TIMM44: variants seen among roughly 807,000 people sequenced by gnomAD.
The protein encoded by TIMM44 is translocase of inner mitochondrial membrane 44.
A neutral mutation model predicts 63.8 loss-of-function variants in TIMM44; 37 were observed. That is an observed-to-expected ratio of 0.58 (90% CI 0.45 to 0.76). The LOEUF (loss-of-function observed/expected upper bound fraction) is 0.76, where lower values mean the gene tolerates loss of function less well. Among genes scored for constraint, TIMM44 ranks in the 30% least tolerant of loss-of-function variants. The probability of loss-of-function intolerance (pLI) is 0.00; values close to 1 mark genes in which losing one functional copy is unlikely to be tolerated. For synonymous variants in TIMM44, 239 were observed against 245.1 expected, an observed-to-expected ratio of 0.98 and a Z score of 0.23; for missense variants, 573 against 603.8, an observed-to-expected ratio of 0.95 and a Z score of 0.54.
At position 7,927,015 on chromosome 19, in the gene TIMM44, C is replaced by T. The variant is rs1010823011; in HGVS notation, c.*172G>A. 2.1e-6 allele frequency: 2 copies of T among 934,402 alleles called. No homozygotes were observed. The highest frequency in any genetic ancestry group is 1.6e-5 in the African/African-American group (1 of 61,452). The allele number at this position is 934,402 out of a possible 1,614,324, so 57.9% of individuals were successfully genotyped here. A position where few individuals can be genotyped will look rare whatever the true frequency, so the allele number is the denominator to read the frequency against. On this transcript the variant is annotated 3_prime_UTR_variant, in exon 13 of 13. Coordinates refer to ENST00000270538, the MANE Select transcript of TIMM44 (RefSeq NM_006351.4). ...GGGAGTGTCTCCAGCTGCCGCGCAC[C>T]CGCAACAGCCCGTTGTCCCCTCCCG...
chr19:7,943,639 C>T lies in TIMM44; in HGVS notation c.13G>A (p.Ala5Thr), dbSNP rs757927513. Residue 5 changes from alanine (A) to threonine (T), a missense_variant, in exon 1 of 13, where the codon GCC (alanine) becomes ACC (threonine). Coordinates refer to ENST00000270538, the MANE Select transcript of TIMM44 (RefSeq NM_006351.4). The surrounding 1 kb of genome is among the most constrained non-coding windows in gnomAD (Gnocchi z 4.3). The part of the protein sequence containing the change: MAAA[A>T]LRSGWCRCPR... ...CAGCGGCACCAGCCACTCCGCAGGG[C>T]CGCCGCCGCCATGTTGGAGAATCGT... is the stretch of plus-strand genomic sequence containing the variant. 2.6e-6 allele frequency: 4 copies of T among 1,566,302 alleles called. No individual in the cohort carries two copies. Among genetic ancestry groups the T allele is most frequent in the Admixed American group, 3.6e-5 (2 of 55,434 alleles).
chr19:7,942,970 G>A (rs1476068346), intron 1 of TIMM44, among the ~76,000 whole-genome samples: 3 of 148,568 alleles, frequency 2.0e-5, no homozygotes, highest in African/African-American at 5.0e-5. Flanking sequence ...GCAGAAGGAG[G>A]CAGAAGTTGC....
chr19:7,935,074 G>A lies in TIMM44; in HGVS notation c.384C>T (p.Thr128=), dbSNP rs914320589. The A allele has an allele frequency of 1.1e-5, 18 of 1,613,218 alleles. No individual in the cohort carries two copies. Among genetic ancestry groups the A allele is most frequent in the Middle Eastern group, 3.3e-4 (2 of 6,058 alleles). The change falls in exon 4 of 13, where the codon ACC becomes ACT. Residue 128 remains threonine, a synonymous_variant. Coordinates refer to ENST00000270538, the MANE Select transcript of TIMM44 (RefSeq NM_006351.4). The part of the protein sequence containing the change: ...LRKKLGELTG[T]VKESLHEVSK... ...GGCGTGGAACTGTTACCTCCTTCAC[G>A]GTGCCCGTCAGCTCCCCAAGCTTCT...
chr19:7,939,713 C>T (rs962622678), intron 2 of TIMM44, among the ~76,000 whole-genome samples: 2 of 151,726 alleles, frequency 1.3e-5, no homozygotes, highest in East Asian at 1.9e-4. Context: ...GCCAGGAGTC[C>T]GAGACAAGCC....
chr19:7,940,424 G>C (rs1158511556), intron 2 of TIMM44, among the ~76,000 whole-genome samples: 1 of 151,968 alleles, frequency 6.6e-6, no homozygotes, highest in Non-Finnish European at 1.5e-5. Flanking sequence ...CAAACCATGG[G>C]AGTGAGTGTG....
Position 7,927,237 on chromosome 19 carries a change from C to CCGCG in TIMM44, c.1305_1308dup (p.Ala437ArgfsTer160). On this transcript the variant is annotated frameshift_variant, in exon 13 of 13. Coordinates refer to ENST00000270538, the MANE Select transcript of TIMM44 (RefSeq NM_006351.4). LOFTEE classifies it high-confidence loss of function. Reference sequence around the variant, plus strand: ...GCCGAGATGTCCAGGAGCCGCCAGGCCGCGTAGGGGTTGAGCTCGTCCTGG... The same window carrying CCGCG: ...GCCGAGATGTCCAGGAGCCGCCAGGCCGCGCGCGTAGGGGTTGAGCTCGTCCTGG... 1 of 1,612,348 alleles carries CCGCG rather than the reference C, an allele frequency of 6.2e-7. No homozygotes were observed. The highest frequency in any genetic ancestry group is 8.5e-7 in the Non-Finnish European group (1 of 1,179,922).
chr19:7,931,061 GCCACCGA>G, intron 10 of TIMM44, 70 bp downstream of exon 10: 1 of 1,417,282 alleles, frequency 7.1e-7, no homozygotes, highest in Non-Finnish European at 9.8e-7. Flanking sequence ...CCCCAACGGA[GCCACCGA>G]AGTGGAACTT....
chr19:7,931,290 C>T, intron 9 of TIMM44, 102 bp from the exon 10 acceptor site: 1 of 1,095,570 alleles, frequency 9.1e-7, no homozygotes, highest in Non-Finnish European at 1.4e-6. Context: ...GGGGAGTTTC[C>T]TCAGACACCC....
intron 2 of TIMM44, among the ~76,000 whole-genome samples, chr19:7,938,494 C>A (rs1984217874): frequency 6.6e-6 from 1 of 152,066 alleles, no homozygotes; most frequent in Admixed American, 6.6e-5. Flanking sequence ...TAAGACCAAC[C>A]TGGGCAACAC....
At position 7,927,487 on chromosome 19, in the gene TIMM44, G is replaced by A. The variant is rs1211973755; in HGVS notation, c.1239+170C>T. ...AGCCTTGGTAAAAACAGACAGGTCT[G>A]CTGGTCTCCGACCTCCCTCAACCCC... On this transcript the variant is annotated intron_variant, in intron 12 of 12. Transcript: ENST00000270538. 7.9e-6 allele frequency: 8 copies of A among 1,007,054 alleles called. No homozygotes were observed. In the East Asian group the frequency reaches 2.0e-4, roughly 25 times the overall value. 62.4% of individuals were successfully genotyped at this position (1,007,054 alleles called of 1,614,324 possible). A position where few individuals can be genotyped will look rare whatever the true frequency, so the allele number is the denominator to read the frequency against.
rs1289220942 is a variant in TIMM44 at position 7,935,649 on chromosome 19, C to T, written c.313-504G>A. ...GGTCTCAGCAGCGGTGAGCTCCTTG[C>T]TCAGAAGGCCGGCAGACTCGGGTCC... is the stretch of plus-strand genomic sequence containing the variant. On this transcript the variant is annotated intron_variant, in intron 3 of 12. Transcript: ENST00000270538. Among the ~76,000 whole-genome samples, 3 of 152,206 alleles carry T rather than the reference C, an allele frequency of 2.0e-5. No individual in the cohort carries two copies. In the East Asian group the frequency reaches 5.8e-4, roughly 29 times the overall value.
At chr19:7,927,977 C>T (rs1599645359) in intron 11 of TIMM44, 100 bp downstream of exon 11, 2 of 1,263,478 alleles carry the variant, frequency 1.6e-6, no homozygotes, top group East Asian at 2.5e-5. Context: ...TTGGATCAGC[C>T]CATGGCCCCC....
chr19:7,933,784 A>C lies in TIMM44; in HGVS notation c.683+80T>G. ...ACTCAAGAAACGGACTCAGGAGGGA[A>C]CCATTGGTGGGCTCCCGAAATGGAC... On this transcript the variant is annotated intron_variant, in intron 6 of 12. Coordinates refer to ENST00000270538, the MANE Select transcript of TIMM44 (RefSeq NM_006351.4). This position sits in a 1 kb window ranked among gnomAD's most constrained non-coding sequence, Gnocchi z 4.3. 2 of 1,579,572 alleles carry C rather than the reference A, an allele frequency of 1.3e-6. No homozygotes were observed. Among genetic ancestry groups the C allele is most frequent in the Admixed American group, 3.3e-5 (2 of 59,962 alleles).
chr19:7,928,923 C>CAAAAAAAAAAAA (rs758167153), intron 10 of TIMM44: 3 of 70,092 alleles, frequency 4.3e-5, no homozygotes, highest in African/African-American at 1.3e-4. Flanking sequence ...AACAAAAAAC[C>CAAAAAAAAAAAA]AAAAAAAAAA....
At chr19:7,931,732 G>C (rs775876983) in intron 9 of TIMM44, 50 of 163,440 alleles carry the variant, frequency 3.1e-4, no homozygotes, top group Non-Finnish European at 6.1e-4. Flanking sequence ...GATCCGATGA[G>C]GGGGAGGGAG....
At chr19:7,929,263 C>G (rs1024601213) in intron 10 of TIMM44, among the ~76,000 whole-genome samples, 3 of 152,310 alleles carry the variant, frequency 2.0e-5, no homozygotes, top group African/African-American at 2.4e-5. Context: ...ACCCCAGGTA[C>G]GCGGTGCTGC....
Position 7,934,583 on chromosome 19 carries a change from G to A in TIMM44, c.394-345C>T, listed in dbSNP as rs141967146. On this transcript the variant is annotated intron_variant, in intron 4 of 12. Transcript: ENST00000270538. This position sits in a 1 kb window ranked among gnomAD's most constrained non-coding sequence, Gnocchi z 5.3. ...GGGTCTGCTGGCCCCTTTCCAAAAT[G>A]GGCAGGAGTCCTCTGGAGACCCGGG... Among the ~76,000 whole-genome samples, 873 of 152,288 alleles carry A rather than the reference G, an allele frequency of 5.7e-3. 8 individuals are homozygous for A. Among genetic ancestry groups the A allele is most frequent in the African/African-American group, 0.02 (830 of 41,552 alleles).
intron 9 of TIMM44, 23 bp downstream of exon 9, chr19:7,932,604 G>T: frequency 6.2e-7 from 1 of 1,611,880 alleles, no homozygotes; most frequent in Non-Finnish European, 8.5e-7. Context: ...GCCTGGGAGG[G>T]GTCCTGGGGG....
In TIMM44 at chr19:7,934,005, T is replaced by C; in HGVS notation, c.544-2A>G. ...TTCCTTCTTCACGGACTCCACCCCC[T>C]GCGAGGGAGGCACAGCGGGGCTGGG... On this transcript the variant is annotated splice_acceptor_variant, in intron 5 of 12. Coordinates refer to ENST00000270538, the MANE Select transcript of TIMM44 (RefSeq NM_006351.4). LOFTEE classifies it high-confidence loss of function. This position sits in a 1 kb window ranked among gnomAD's most constrained non-coding sequence, Gnocchi z 5.3. 6.2e-7 allele frequency: 1 copy of C among 1,603,644 alleles called. No homozygotes were observed. Among genetic ancestry groups the C allele is most frequent in the Non-Finnish European group, 8.5e-7 (1 of 1,174,182 alleles).
Sources: gnomAD v4.1 joint callset for allele counts (sites outside exome capture counted in the v4.1 genomes callset) on GRCh38, gnomAD v4.1.1 for gene constraint, Gnocchi (gnomAD v3.1) non-coding constraint, MANE v1.5 for transcripts, NCBI Gene and HGNC (gene_info 2026-07-23, HGNC 2026-07-21) for gene names.